Variants in METTL15 observed in about 807,000 individuals in gnomAD.
The protein encoded by METTL15 is methyltransferase 15, mitochondrial 12S rRNA N4-cytidine.
Under a neutral mutation model 38.3 loss-of-function variants are expected in METTL15, and 34 were observed. The ratio of observed to expected loss-of-function variants is 0.89; its 90% CI spans 0.68 to 1.18. The LOEUF is 1.18. METTL15 is among the 50% of genes most tolerant of loss of function. The pLI is 0.00. For synonymous variants in METTL15, 162 were observed against 170.9 expected (o/e 0.95, Z 0.41); for missense variants, 438 against 498.4 (o/e 0.88, Z 1.15).
At chr11:28,521,803 C>T (rs182552731) in intron 6 of METTL15, among the ~76,000 whole-genome samples, 33 of 152,156 alleles carry the variant, frequency 2.2e-4, no homozygotes, top group Admixed American at 3.3e-4. Context: ...TTTCTTTGCC[C>T]CACTCTTGCT....
Position 28,371,252 on chromosome 11 carries a change from C to A in METTL15, c.*358+9216C>A, listed in dbSNP as rs74418548. On this transcript the variant is annotated intron_variant and NMD_transcript_variant, in intron 5 of 7. Coordinates refer to the METTL15 transcript ENST00000532947. Reference sequence around the variant, plus strand: ...TTTTATTCTTCTGCTTATGGTTATCCAGTTTTCATAGCATCATTTGTTAAA... The same window carrying A: ...TTTTATTCTTCTGCTTATGGTTATCAAGTTTTCATAGCATCATTTGTTAAA... Among the ~76,000 whole-genome samples the A allele has an allele frequency of 9.7e-3, 1,476 of 152,044 alleles. 14 individuals are homozygous for A. The highest frequency in any genetic ancestry group is 0.016 in the Non-Finnish European group (1,104 of 67,874).
intron 3 of METTL15, among the ~76,000 whole-genome samples, chr11:28,133,845 T>C (rs1284203318): frequency 6.6e-6 from 1 of 152,154 alleles, no homozygotes; most frequent in Non-Finnish European, 1.5e-5. Context: ...TCCTGATCCA[T>C]AGAAACCATG....
intron 5 of METTL15, among the ~76,000 whole-genome samples, chr11:28,370,878 T>A (rs894572987): frequency 1.3e-5 from 2 of 152,080 alleles, no homozygotes; most frequent in African/African-American, 2.4e-5. Flanking sequence ...GAATGTCTTT[T>A]GCCCATTTTT....
intron 2 of METTL15, among the ~76,000 whole-genome samples, chr11:28,111,200 A>G (rs74607747): frequency 0.02 from 3,039 of 152,310 alleles, 115 homozygotes; most frequent in African/African-American, 0.069. Context: ...TGCCTTGACC[A>G]TAGTTGAATA....
At chr11:28,153,698 G>T (rs7931847) in intron 3 of METTL15, among the ~76,000 whole-genome samples, 37,622 of 152,006 alleles carry the variant, frequency 0.25, 4,897 homozygotes, top group African/African-American at 0.29. Context: ...TCTACTGAGT[G>T]GGCAAAGAAT....
chr11:28,398,874 C>G (rs1336912456), intron 5 of METTL15: 1 of 151,926 alleles, frequency 6.6e-6, no homozygotes, highest in Non-Finnish European at 1.5e-5. Flanking sequence ...GACATACTGC[C>G]CAAGTAATTT....
chr11:28,164,617 G>A (rs953897755), intron 3 of METTL15, among the ~76,000 whole-genome samples: 8 of 151,786 alleles, frequency 5.3e-5, no homozygotes, highest in African/African-American at 1.7e-4. Flanking sequence ...TGTACAATAC[G>A]GAATGATTAA....
At chr11:28,196,817 A>G (rs1236785629) in intron 3 of METTL15, among the ~76,000 whole-genome samples, 1 of 151,930 alleles carries the variant, frequency 6.6e-6, no homozygotes, top group Non-Finnish European at 1.5e-5. Flanking sequence ...TCAGTAAAAA[A>G]TTGAGATATT....
intron 6 of METTL15, among the ~76,000 whole-genome samples, chr11:28,525,968 G>T (rs186673642): frequency 6.6e-6 from 1 of 152,338 alleles, no homozygotes; most frequent in East Asian, 1.9e-4. Context: ...CTAAGGCCCG[G>T]CGAGAAATTG....
At chr11:28,316,324 A>G (rs1436894583) in intron 6 of METTL15, among the ~76,000 whole-genome samples, 1 of 152,166 alleles carries the variant, frequency 6.6e-6, no homozygotes, top group Admixed American at 6.5e-5. Context: ...TGACTGCCCT[A>G]CTGGATTTCG....
intron 6 of METTL15, among the ~76,000 whole-genome samples, chr11:28,444,737 T>C (rs1851061513): frequency 6.6e-6 from 1 of 152,206 alleles, no homozygotes; most frequent in Non-Finnish European, 1.5e-5. Flanking sequence ...AGGATGGCTC[T>C]CATAAATAAT....
intron 4 of METTL15, among the ~76,000 whole-genome samples, chr11:28,273,813 T>A (rs1046303392): frequency 1.3e-5 from 2 of 152,018 alleles, no homozygotes; most frequent in African/African-American, 4.8e-5. Flanking sequence ...GGAAGTGAAA[T>A]CTCACAGACC....
At chr11:28,460,256 T>G (rs182983588) in intron 6 of METTL15, among the ~76,000 whole-genome samples, 1 of 152,202 alleles carries the variant, frequency 6.6e-6, no homozygotes, top group African/African-American at 2.4e-5. Flanking sequence ...TTACTTGTAA[T>G]GGACATTTGT....
chr11:28,205,367 T>C (rs1214066541), intron 3 of METTL15, among the ~76,000 whole-genome samples: 1 of 151,960 alleles, frequency 6.6e-6, no homozygotes, highest in African/African-American at 2.4e-5. Context: ...TTTGTTTTTT[T>C]GTTCTTGCAA....
chr11:28,313,835 T>G (rs1438726565), intron 6 of METTL15, among the ~76,000 whole-genome samples: 2 of 152,102 alleles, frequency 1.3e-5, no homozygotes, highest in African/African-American at 4.8e-5. Flanking sequence ...TTTGGGCATA[T>G]TTAAGGGATT....
chr11:28,234,725 G>A (rs377703370), intron 4 of METTL15, among the ~76,000 whole-genome samples: 6 of 139,642 alleles, frequency 4.3e-5, no homozygotes, highest in Non-Finnish European at 9.3e-5. Context: ...AGATGAGTAG[G>A]TTGCAAAAAT....
chr11:28,230,696 A>C (rs1853650502), intron 4 of METTL15, among the ~76,000 whole-genome samples: 1 of 151,984 alleles, frequency 6.6e-6, no homozygotes, highest in African/African-American at 2.4e-5. Context: ...TGCTATAATT[A>C]CATGTATAAT....
At chr11:28,221,614 A>G (rs1395412152) in intron 4 of METTL15, among the ~76,000 whole-genome samples, 2 of 152,084 alleles carry the variant, frequency 1.3e-5, no homozygotes, top group Non-Finnish European at 2.9e-5. Context: ...GTTCCCTTGG[A>G]GGAGGAGAGG....
intron 3 of METTL15, among the ~76,000 whole-genome samples, chr11:28,161,021 A>G (rs1281865435): frequency 6.6e-6 from 1 of 151,920 alleles, no homozygotes; most frequent in African/African-American, 2.4e-5. Flanking sequence ...TGAAAGAAAT[A>G]AAAGCAAAGT....
Sources: gnomAD v4.1 joint callset for allele counts (sites outside exome capture counted in the v4.1 genomes callset) on GRCh38, gnomAD v4.1.1 for gene constraint, MANE v1.5 for transcripts, NCBI Gene and HGNC (gene_info 2026-07-23, HGNC 2026-07-21) for gene names.